The following FBXO34 variants were observed in gnomAD, a reference collection of about 807,000 sequenced individuals.
FBXO34 encodes F-box only protein 34.
A neutral mutation model predicts 24.5 loss-of-function variants in FBXO34; 12 were observed. That is an observed-to-expected ratio of 0.49 (90% CI 0.31 to 0.79). The LOEUF is 0.79. Ranked by LOEUF, FBXO34 falls within the 30% of genes least tolerant of loss-of-function variation. The pLI is 0.04. For missense variants in FBXO34, 823 were observed against 857.7 expected, an observed-to-expected ratio of 0.96 and a Z score of 0.51; for synonymous variants, 320 against 311.9, an observed-to-expected ratio of 1.03 and a Z score of -0.27.
the FBXO34 span, chr14:55,395,223 C>T: frequency 5.5e-6 from 2 of 366,884 alleles, no homozygotes; most frequent in Non-Finnish European, 1.1e-5. Context: ...GCTGACCTTC[C>T]TCTTGGGCAT....
At chr14:55,321,825 C>T (rs138623363) in intron 1 of FBXO34, among the ~76,000 whole-genome samples, 13 of 152,286 alleles carry the variant, frequency 8.5e-5, no homozygotes, top group Admixed American at 2.6e-4. Flanking sequence ...GTAAAGCTGC[C>T]GCAGGGATCT....
intron 1 of FBXO34, among the ~76,000 whole-genome samples, chr14:55,338,696 C>T (rs1192094129): frequency 6.6e-6 from 1 of 152,026 alleles, no homozygotes; most frequent in Non-Finnish European, 1.5e-5. Context: ...ATCACAAGGT[C>T]AGGAGATCGA....
chr14:55,420,712 A>G, the FBXO34 span, among the ~76,000 whole-genome samples: 19 of 146,478 alleles, frequency 1.3e-4, no homozygotes, highest in Non-Finnish European at 2.5e-4. Context: ...TTTAGTAACA[A>G]TCCTTTACTT....
intron 1 of FBXO34, among the ~76,000 whole-genome samples, chr14:55,281,991 CTTTTTTTTTTTT>C (rs372305828): frequency 9.2e-5 from 6 of 65,162 alleles, no homozygotes; most frequent in Admixed American, 3.1e-4. Flanking sequence ...TTAAATTTAG[CTTTTTTTTTTTT>C]TTTTTTTTTT....
At chr14:55,395,652 G>C in the FBXO34 span, among the ~76,000 whole-genome samples, 2 of 152,152 alleles carry the variant, frequency 1.3e-5, no homozygotes, top group Non-Finnish European at 2.9e-5. Context: ...CATTTGGAGT[G>C]TGTATGATAA....
At chr14:55,309,544 G>A (rs146365620) in intron 1 of FBXO34, among the ~76,000 whole-genome samples, 1 of 152,286 alleles carries the variant, frequency 6.6e-6, no homozygotes, top group African/African-American at 2.4e-5. Context: ...TTTTCAAGCA[G>A]GAGGACTAGC....
chr14:55,298,970 C>T (rs1417399919), intron 1 of FBXO34: 8 of 1,599,234 alleles, frequency 5.0e-6, no homozygotes, highest in Non-Finnish European at 6.9e-6. Flanking sequence ...CGGCCCACGA[C>T]AACATGGACA....
intron 1 of FBXO34, among the ~76,000 whole-genome samples, chr14:55,317,455 TG>T (rs1333183038): frequency 2.0e-5 from 3 of 152,036 alleles, no homozygotes; most frequent in Non-Finnish European, 4.4e-5. Context: ...CACTCCAGCC[TG>T]GGTGACAGAG....
At chr14:55,322,309 CAA>C (rs3084455) in intron 1 of FBXO34, among the ~76,000 whole-genome samples, 44,725 of 121,818 alleles carry the variant, frequency 0.37, 7,641 homozygotes, top group Non-Finnish European at 0.43. Context: ...GACTCTGTCT[CAA>C]AAAAAAAAAA....
chr14:55,393,409 A>G, the FBXO34 span, among the ~76,000 whole-genome samples: 1 of 152,130 alleles, frequency 6.6e-6, no homozygotes. Flanking sequence ...AAAAAAAGAA[A>G]TATATGAATA....
downstream of FBXO34, among the ~76,000 whole-genome samples, chr14:55,374,357 G>A (rs530103261): frequency 2.0e-5 from 3 of 152,234 alleles, no homozygotes; most frequent in South Asian, 2.1e-4. Context: ...TGTGTGAGCC[G>A]CATGTTTTAA....
chr14:55,395,416 G>T, the FBXO34 span, among the ~76,000 whole-genome samples: 2 of 152,216 alleles, frequency 1.3e-5, no homozygotes, highest in Non-Finnish European at 2.9e-5. Flanking sequence ...GCTGTGGCAC[G>T]ATCTTGGCTC....
the FBXO34 span, chr14:55,378,097 A>T: frequency 2.5e-6 from 4 of 1,598,152 alleles, no homozygotes; most frequent in Non-Finnish European, 3.4e-6. Context: ...CATACAATTT[A>T]TAAAGTTGCA....
intron 1 of FBXO34, among the ~76,000 whole-genome samples, chr14:55,286,764 CTCTTA>C (rs1194574172): frequency 6.6e-6 from 1 of 151,466 alleles, no homozygotes; most frequent in Non-Finnish European, 1.5e-5. Context: ...GGTTGAGTAT[CTCTTA>C]TCTTACATGC....
the FBXO34 span, among the ~76,000 whole-genome samples, chr14:55,390,077 C>CT: frequency 3.3e-5 from 5 of 150,178 alleles, no homozygotes; most frequent in Admixed American, 6.6e-5. Context: ...CATTCCTTAA[C>CT]TTTTTTTTTT....
chr14:55,278,063 A>G (rs1881403221), intron 1 of FBXO34, among the ~76,000 whole-genome samples: 1 of 151,982 alleles, frequency 6.6e-6, no homozygotes, highest in Non-Finnish European at 1.5e-5. Context: ...GTTGAATCAG[A>G]AAGCCGCTAC....
At chr14:55,367,572 C>T (rs1884708647) in exon 3 of FBXO34, 1 of 152,148 alleles carries the variant, frequency 6.6e-6, no homozygotes, top group African/African-American at 2.4e-5. Context: ...GTGAAAACCC[C>T]CGTCTTTACT....
chr14:55,426,994 TGTAGACACAACC>T, the FBXO34 span, among the ~76,000 whole-genome samples: 1 of 152,228 alleles, frequency 6.6e-6, no homozygotes, highest in African/African-American at 2.4e-5. Context: ...CTAAGTCTAA[TGTAGACACAACC>T]TTAGAGTTCG....
intron 1 of FBXO34, chr14:55,272,119 T>A (rs1312525785): frequency 6.6e-6 from 1 of 151,968 alleles, no homozygotes; most frequent in Non-Finnish European, 1.5e-5. Flanking sequence ...GGGCTGTGGG[T>A]CCGTGTGTCT....
Sources: allele counts gnomAD v4.1 joint callset (sites outside exome capture counted in the v4.1 genomes callset), GRCh38; gene constraint gnomAD v4.1.1; transcripts MANE v1.5; gene names NCBI Gene and HGNC (gene_info 2026-07-23, HGNC 2026-07-21).